Variants in HELZ observed in about 807,000 individuals in gnomAD.
HELZ encodes the protein helicase with zinc finger.
HELZ carries 23 observed loss-of-function variants against 218.2 expected under a neutral mutation model. The ratio of observed to expected loss-of-function variants is 0.11; its 90% CI spans 0.08 to 0.15. The LOEUF is 0.15. Ranked by LOEUF, HELZ falls within the 10% of genes least tolerant of loss-of-function variation. The pLI, the probability that HELZ is intolerant of heterozygous loss-of-function variation, is 1.00. For missense variants in HELZ, 1,813 were observed against 2,353.7 expected, an observed-to-expected ratio of 0.77 and a Z score of 4.75; for synonymous variants, 814 against 829.4, an observed-to-expected ratio of 0.98 and a Z score of 0.32.
chr17:67,211,786 G>A (rs963115402), intron 5 of HELZ, among the ~76,000 whole-genome samples: 22 of 152,012 alleles, frequency 1.4e-4, no homozygotes, highest in African/African-American at 4.8e-4. Flanking sequence ...GCTTGAGCCC[G>A]TAAGGCAGAG....
intron 13 of HELZ, among the ~76,000 whole-genome samples, chr17:67,171,770 T>C (rs117917019): frequency 0.013 from 1,930 of 152,186 alleles, 20 homozygotes; most frequent in Non-Finnish European, 0.018. Flanking sequence ...CAAAACTCTA[T>C]GCTCTTATTC....
At chr17:67,134,042 T>C (rs1018132583) in intron 23 of HELZ, among the ~76,000 whole-genome samples, 1 of 151,534 alleles carries the variant, frequency 6.6e-6, no homozygotes. Flanking sequence ...GCAAAATTAG[T>C]AGACTTCTTG....
intron 13 of HELZ, among the ~76,000 whole-genome samples, chr17:67,172,684 T>G (rs927960371): frequency 6.6e-6 from 1 of 152,200 alleles, no homozygotes; most frequent in African/African-American, 2.4e-5. Flanking sequence ...CTTAGCTCAC[T>G]GCAGCCTTGA....
At chr17:67,145,593 T>C (rs2038469016) in intron 21 of HELZ, 150 bp downstream of exon 21, 1 of 592,808 alleles carries the variant, frequency 1.7e-6, no homozygotes. Context: ...ATCAATGTTA[T>C]ACAAGAAAGA....
In HELZ at chr17:67,129,762, T is replaced by C. The variant is rs549325756; in HGVS notation, c.3183-907A>G. On this transcript the variant is annotated intron_variant, in intron 23 of 32. Transcript: ENST00000358691. ...TGTTGCATTTACATACCGTTGTTTCTAGGTTTGAAAATTGATTTCTAAATA... is the reference window on the plus strand; with the variant it reads ...TGTTGCATTTACATACCGTTGTTTCCAGGTTTGAAAATTGATTTCTAAATA... Among the ~76,000 whole-genome samples, 10 of 152,274 alleles carry C rather than the reference T, an allele frequency of 6.6e-5. No homozygotes were observed. The South Asian group carries it at 1.9e-3, about 28-fold the overall frequency.
intron 27 of HELZ, chr17:67,119,898 C>A: frequency 5.0e-6 from 2 of 399,470 alleles, no homozygotes; most frequent in South Asian, 1.9e-5. Flanking sequence ...CCTAAAGGAC[C>A]CTCTGAGGTT....
chr17:67,139,797 G>A (rs950526933), intron 21 of HELZ, among the ~76,000 whole-genome samples: 5 of 152,270 alleles, frequency 3.3e-5, no homozygotes, highest in South Asian at 4.1e-4. Context: ...AATTCCCATC[G>A]CCCTAGCTCC....
intron 3 of HELZ, among the ~76,000 whole-genome samples, chr17:67,227,922 G>A (rs1037207907): frequency 1.3e-5 from 2 of 152,326 alleles, no homozygotes; most frequent in East Asian, 3.9e-4. Context: ...TGTTAACAGA[G>A]AGACTTTAAG....
chr17:67,193,344 C>CA lies in HELZ; in HGVS notation c.557+622dup, dbSNP rs34516607. ...TGGGCAACAGAATGAGACTCTGTCT[C>CA]AAAAAAAAAAAAAAAAAAAGAAAAG... is the stretch of plus-strand genomic sequence containing the variant. On this transcript the variant is annotated intron_variant, in intron 9 of 32. Transcript: ENST00000358691. Among the ~76,000 whole-genome samples the CA allele has an allele frequency of 5.3e-3, 484 of 91,712 alleles. 1 individual carries two copies. Among genetic ancestry groups the CA allele is most frequent in the South Asian group, 0.02 (55 of 2,730 alleles). 60.2% of individuals were successfully genotyped at this position (91,712 alleles called of 152,430 possible).
In HELZ at chr17:67,085,032, G is replaced by A. The variant is rs562730274; in HGVS notation, c.5494+1797C>T. Among the ~76,000 whole-genome samples, 7 of 152,198 alleles carry A rather than the reference G, an allele frequency of 4.6e-5. No homozygotes were observed. The South Asian group carries it at 6.2e-4, about 14-fold the overall frequency. On this transcript the variant is annotated intron_variant, in intron 32 of 32. Transcript: ENST00000358691. ...GAGGCAGGAGGAATCGCTTCAGCCC[G>A]GATGGCGGAGGTTGCAGTGAGCTGA...
intron 28 of HELZ, among the ~76,000 whole-genome samples, chr17:67,111,130 A>G (rs1343621472): frequency 6.6e-6 from 1 of 152,208 alleles, no homozygotes; most frequent in Non-Finnish European, 1.5e-5. Context: ...ACTTGTTTAT[A>G]TATTAGTTTT....
At chr17:67,226,257 C>CAAAAAAAA (rs562828369) in intron 3 of HELZ, among the ~76,000 whole-genome samples, 3 of 64,784 alleles carry the variant, frequency 4.6e-5, no homozygotes, top group Non-Finnish European at 7.0e-5. Flanking sequence ...GACTCCATCT[C>CAAAAAAAA]AAAAAAAAAA....
At chr17:67,146,600 T>A (rs890488970) in intron 20 of HELZ, among the ~76,000 whole-genome samples, 2 of 152,196 alleles carry the variant, frequency 1.3e-5, no homozygotes, top group African/African-American at 4.8e-5. Context: ...TGGAACAATG[T>A]ACACAACTGA....
At position 67,117,891 on chromosome 17, in the gene HELZ, A is replaced by C. The variant is rs115813900; in HGVS notation, c.3838+2514T>G. ...ATGCTGAAAAAAAAATAAAGACCTAATAGAAAAAAATGGAGAGATATATAC... is the reference window on the plus strand; with the variant it reads ...ATGCTGAAAAAAAAATAAAGACCTACTAGAAAAAAATGGAGAGATATATAC... On this transcript the variant is annotated intron_variant, in intron 27 of 32. Coordinates refer to ENST00000358691, the MANE Select transcript of HELZ (RefSeq NM_014877.4). 6.3e-3 allele frequency among the ~76,000 whole-genome samples: 966 copies of C among 152,274 alleles called. 10 individuals carry two copies. Among genetic ancestry groups the C allele is most frequent in the African/African-American group, 0.022 (921 of 41,542 alleles).
chr17:67,178,945 C>A lies in HELZ; in HGVS notation c.1163-19G>T, dbSNP rs1889378525. ...TCGAGATCTAAATGGAAACAAAAAA[C>A]ACATTTATAAAGAAACAGAACATTA... is the stretch of plus-strand genomic sequence containing the variant. On this transcript the variant is annotated intron_variant, in intron 12 of 32. Coordinates refer to ENST00000358691, the MANE Select transcript of HELZ (RefSeq NM_014877.4). 10 of 1,531,142 alleles carry A rather than the reference C, an allele frequency of 6.5e-6. No individual in the cohort carries two copies. The highest frequency in any genetic ancestry group is 8.9e-6 in the Non-Finnish European group (10 of 1,127,652). 94.8% of individuals were successfully genotyped at this position (1,531,142 alleles called of 1,614,324 possible). A position where few individuals can be genotyped will look rare whatever the true frequency, so the allele number is the denominator to read the frequency against.
At chr17:67,092,895 G>GGT (rs1555596448) in intron 31 of HELZ, among the ~76,000 whole-genome samples, 2 of 151,458 alleles carry the variant, frequency 1.3e-5, no homozygotes, top group African/African-American at 2.4e-5. Context: ...AAACCGGCGG[G>GGT]GGGGGGAAGT....
chr17:67,179,141 T>A (rs1567867800), intron 12 of HELZ, among the ~76,000 whole-genome samples: 1 of 149,232 alleles, frequency 6.7e-6, no homozygotes, highest in African/African-American at 2.5e-5. Context: ...AATCCATGTT[T>A]AAAAAAAAAA....
intron 3 of HELZ, 144 bp from the exon 4 acceptor site, chr17:67,218,966 C>T: frequency 3.3e-6 from 2 of 604,206 alleles, no homozygotes; most frequent in Non-Finnish European, 5.8e-6. Flanking sequence ...TAAGCAGCAG[C>T]TATTGATGCT....
At chr17:67,136,423 T>C (rs2038152421) in intron 22 of HELZ, among the ~76,000 whole-genome samples, 1 of 152,204 alleles carries the variant, frequency 6.6e-6, no homozygotes. Context: ...AACTACCATA[T>C]GATCCAGCAA....
Sources: gnomAD v4.1 joint callset for allele counts (sites outside exome capture counted in the v4.1 genomes callset) on GRCh38, gnomAD v4.1.1 for gene constraint, MANE v1.5 for transcripts, NCBI Gene and HGNC (gene_info 2026-07-23, HGNC 2026-07-21) for gene names.